Variants in UBR2 observed in about 807,000 individuals in gnomAD.
UBR2 encodes the protein E3 ubiquitin-protein ligase UBR2.
In UBR2, 92 loss-of-function variants were observed where a neutral mutation model predicts 247.9. The observed-to-expected ratio is 0.37, with a 90% CI of 0.31 to 0.44. The LOEUF is 0.44. Ranked by LOEUF, UBR2 falls within the 20% of genes least tolerant of loss-of-function variation. The pLI is 1.00. For synonymous variants in UBR2, 672 were observed against 693.5 expected (o/e 0.97, Z 0.49); for missense variants, 1,613 against 2,112.6 (o/e 0.76, Z 4.64).
At position 42,659,005 on chromosome 6, in the gene UBR2, T is replaced by G. The variant is rs1797611814; in HGVS notation, c.3242+181T>G. Among the ~76,000 whole-genome samples the G allele has an allele frequency of 6.6e-6, 1 of 152,130 alleles. No individual in the cohort carries two copies. Among genetic ancestry groups the G allele is most frequent in the Admixed American group, 6.6e-5 (1 of 15,256 alleles). ...TAGAAGTCTCTGAATGTAGGTATGGTAAGTCCTGTGTACACCTGGTAGGGT... is the reference window on the plus strand; with the variant it reads ...TAGAAGTCTCTGAATGTAGGTATGGGAAGTCCTGTGTACACCTGGTAGGGT... On this transcript the variant is annotated intron_variant, in intron 29 of 46. Coordinates refer to ENST00000372901, the MANE Select transcript of UBR2 (RefSeq NM_001363705.2). The surrounding 1 kb of genome is among the most constrained non-coding windows in gnomAD (Gnocchi z 4.3).
intron 1 of UBR2, among the ~76,000 whole-genome samples, chr6:42,572,781 A>G (rs1309709725): frequency 2.0e-5 from 3 of 150,720 alleles, no homozygotes; most frequent in African/African-American, 7.3e-5. Flanking sequence ...TTGGCTCACT[A>G]CAACCTCTGC....
chr6:42,625,286 A>G (rs2151946288), intron 11 of UBR2, among the ~76,000 whole-genome samples: 1 of 152,116 alleles, frequency 6.6e-6, no homozygotes, highest in East Asian at 1.9e-4. Flanking sequence ...TTTTCTTGGG[A>G]CTTTGCTAAT....
At chr6:42,614,430 A>ACGTATATG (rs1554250466) in intron 8 of UBR2, among the ~76,000 whole-genome samples, 1 of 150,158 alleles carries the variant, frequency 6.7e-6, no homozygotes, top group Admixed American at 6.6e-5. Flanking sequence ...GTACATATAT[A>ACGTATATG]TGTATGTACG....
Position 42,637,066 on chromosome 6 carries a change from A to G in UBR2, c.1730A>G (p.His577Arg). 1 of 1,614,092 alleles carries G rather than the reference A, an allele frequency of 6.2e-7. No individual in the cohort carries two copies. The highest frequency in any genetic ancestry group is 8.5e-7 in the Non-Finnish European group (1 of 1,179,970). ...TGTCTCGCTGTACTGATGCAGTGTC[A>G]TGGTGGTTATACTGATGGTGAACAG... ...KKCLAVLMQC[H>R]GGYTDGEQPI... The change falls in exon 15 of 47, where the codon CAT becomes CGT. Residue 577 changes from histidine (H) to arginine (R), a missense_variant. By Grantham distance (29) the His-to-Arg change is conservative. Around this residue, in one of 3 missense-constraint regions of UBR2, gnomAD observed 1,524 missense variants for 1,967.3 expected, o/e 0.77. Coordinates refer to ENST00000372901, the MANE Select transcript of UBR2 (RefSeq NM_001363705.2).
At chr6:42,665,270 A>G in intron 32 of UBR2, 139 bp from the exon 33 acceptor site, 1 of 558,958 alleles carries the variant, frequency 1.8e-6, no homozygotes, top group South Asian at 3.4e-5. Context: ...GATTTTTTTT[A>G]ATGCAACAAA....
chr6:42,642,417 T>C lies in UBR2; in HGVS notation c.2033T>C (p.Ile678Thr), dbSNP rs367666230. 1.9e-6 allele frequency: 3 copies of C among 1,598,338 alleles called. No homozygotes were observed. The highest frequency in any genetic ancestry group is 2.6e-6 in the Non-Finnish European group (3 of 1,169,156). Residue 678 changes from isoleucine to threonine, a missense_variant and splice_region_variant, in exon 18 of 47, where the codon ATT becomes ACT. Around this residue, in one of 3 missense-constraint regions of UBR2, gnomAD observed 1,524 missense variants for 1,967.3 expected, o/e 0.77. Transcript: ENST00000372901. ...CAATATAATTACTTTTTTTTTTAGA[T>C]TTATTACTACCATAATGTGAAATGC... ...RRNGFSLVNQ[I>T]YYYHNVKCRR...
intron 7 of UBR2, among the ~76,000 whole-genome samples, chr6:42,607,512 A>T (rs1455972558): frequency 2.0e-5 from 3 of 151,534 alleles, no homozygotes; most frequent in Non-Finnish European, 4.4e-5. Flanking sequence ...CTGTATTATT[A>T]TCATTTTGTT....
chr6:42,619,050 C>T (rs1452931138), intron 11 of UBR2, among the ~76,000 whole-genome samples: 2 of 152,064 alleles, frequency 1.3e-5, no homozygotes, highest in African/African-American at 4.8e-5. Flanking sequence ...TGCTTCCCTC[C>T]TTCATTGAAC....
intron 32 of UBR2, chr6:42,664,059 C>T (rs1797973066): frequency 6.6e-6 from 1 of 152,170 alleles, no homozygotes; most frequent in Non-Finnish European, 1.5e-5. Context: ...TTCAGAGACT[C>T]AGGTGGGAGG....
chr6:42,582,998 GTTGT>G (rs949892357), intron 2 of UBR2, among the ~76,000 whole-genome samples: 5 of 151,926 alleles, frequency 3.3e-5, no homozygotes, highest in African/African-American at 7.3e-5. Flanking sequence ...CCATTTTTGG[GTTGT>G]TTATCTTTTC....
chr6:42,635,505 A>G lies in UBR2; in HGVS notation c.1633A>G (p.Thr545Ala). 5.6e-6 allele frequency: 9 copies of G among 1,613,594 alleles called. No individual in the cohort carries two copies. Among genetic ancestry groups the G allele is most frequent in the African/African-American group, 1.3e-5 (1 of 75,062 alleles). The change falls in exon 14 of 47, where the codon ACA (threonine) becomes GCA (alanine). Residue 545 changes from threonine (T) to alanine (A), a missense_variant. Physicochemically the swap from Thr to Ala is moderately conservative, Grantham distance 58. Coordinates refer to ENST00000372901, the MANE Select transcript of UBR2 (RefSeq NM_001363705.2). ...AGCCTTCACACTACAAATGAAATTA[A>G]CACATGTCATTTCAATGATGCAGGA... ...EAAFTLQMKL[T>A]HVISMMQDWC...
intron 2 of UBR2, among the ~76,000 whole-genome samples, chr6:42,586,538 CTTTTTTTTT>C (rs147830824): frequency 4.1e-4 from 40 of 97,244 alleles, no homozygotes; most frequent in African/African-American, 1.7e-3. Context: ...GTTTGTCTCT[CTTTTTTTTT>C]TTTTTTTTTT....
At chr6:42,577,992 T>C (rs1255989092) in intron 2 of UBR2, among the ~76,000 whole-genome samples, 3 of 152,140 alleles carry the variant, frequency 2.0e-5, no homozygotes. Context: ...TACACACACA[T>C]AAGGTGTAAT....
chr6:42,678,512 C>A (rs1798852460), intron 40 of UBR2, 27 bp from the exon 41 acceptor site: 1 of 1,596,618 alleles, frequency 6.3e-7, no homozygotes. Context: ...TAGTAGATTT[C>A]CCAATAATCT....
intron 2 of UBR2, among the ~76,000 whole-genome samples, chr6:42,591,369 C>G (rs757494637): frequency 4.6e-5 from 7 of 152,156 alleles, no homozygotes; most frequent in Non-Finnish European, 8.8e-5. Flanking sequence ...GAACCAGGGG[C>G]AGGAACCAAT....
At chr6:42,596,649 C>T (rs1285634522) in intron 4 of UBR2, among the ~76,000 whole-genome samples, 1 of 152,064 alleles carries the variant, frequency 6.6e-6, no homozygotes, top group Non-Finnish European at 1.5e-5. Flanking sequence ...ATTTTTCGTC[C>T]ATAAAAAGGA....
chr6:42,657,572 A>T (rs1193519196), intron 26 of UBR2, among the ~76,000 whole-genome samples: 4 of 152,250 alleles, frequency 2.6e-5, no homozygotes, highest in Admixed American at 2.6e-4. Context: ...CTTGACTCTT[A>T]TATTCAAATA....
chr6:42,576,624 G>T (rs1313236376), intron 2 of UBR2, among the ~76,000 whole-genome samples: 2 of 150,260 alleles, frequency 1.3e-5, no homozygotes, highest in Non-Finnish European at 3.0e-5. Context: ...CTGCCTCCCG[G>T]ATTCAAGTGA....
chr6:42,641,253 C>G (rs944686579), intron 16 of UBR2, among the ~76,000 whole-genome samples: 1 of 152,092 alleles, frequency 6.6e-6, no homozygotes, highest in African/African-American at 2.4e-5. Flanking sequence ...CACCTGAGGT[C>G]AGGAGTTCAA....
Sources: gnomAD v4.1 joint callset for allele counts (sites outside exome capture counted in the v4.1 genomes callset) on GRCh38, gnomAD v4.1.1 for gene constraint, gnomAD v4.1.1 regional missense constraint, Gnocchi (gnomAD v3.1) non-coding constraint, MANE v1.5 for transcripts, NCBI Gene and HGNC (gene_info 2026-07-23, HGNC 2026-07-21) for gene names.